The following CDH13 variants were observed in gnomAD, a reference collection of about 807,000 sequenced individuals.
CDH13 encodes cadherin 13.
A neutral mutation model predicts 63.8 loss-of-function variants in CDH13; 24 were observed. The ratio of observed to expected loss-of-function variants is 0.38; its 90% CI spans 0.27 to 0.53. The LOEUF is 0.53. CDH13 is among the 20% of genes least tolerant of loss of function. The pLI is 0.85. For synonymous variants in CDH13, 503 were observed against 355.3 expected (o/e 1.42, Z -4.67); for missense variants, 1,049 against 903.1 (o/e 1.16, Z -2.07).
chr16:83,180,199 A>C (rs998646897), intron 4 of CDH13, among the ~76,000 whole-genome samples: 11 of 152,096 alleles, frequency 7.2e-5, no homozygotes, highest in Admixed American at 4.6e-4. Context: ...CATTCTCTTC[A>C]TCACATAGCC....
intron 2 of CDH13, among the ~76,000 whole-genome samples, chr16:82,965,931 G>A (rs1199170610): frequency 6.6e-6 from 1 of 152,186 alleles, no homozygotes; most frequent in East Asian, 1.9e-4. Flanking sequence ...GCTGCCCAGT[G>A]GAGAAAAAGT....
intron 7 of CDH13, among the ~76,000 whole-genome samples, chr16:83,534,751 C>T (rs987782133): frequency 3.3e-5 from 5 of 152,226 alleles, no homozygotes; most frequent in Non-Finnish European, 5.9e-5. Context: ...GCTTCTACTT[C>T]CTCACTATTA....
chr16:83,324,040 C>CTTTTTT (rs200015057), intron 5 of CDH13, among the ~76,000 whole-genome samples: 3 of 141,352 alleles, frequency 2.1e-5, no homozygotes, highest in Non-Finnish European at 4.6e-5. Flanking sequence ...TCTTCTTCTT[C>CTTTTTT]TTTTTTTTTT....
At chr16:83,280,067 T>G (rs1408001011) in intron 5 of CDH13, among the ~76,000 whole-genome samples, 1 of 152,194 alleles carries the variant, frequency 6.6e-6, no homozygotes, top group Non-Finnish European at 1.5e-5. Flanking sequence ...TGAAGGATAG[T>G]ATGCAGGGTA....
chr16:83,697,616 G>A (rs942226178), intron 10 of CDH13, among the ~76,000 whole-genome samples: 1 of 152,186 alleles, frequency 6.6e-6, no homozygotes, highest in Non-Finnish European at 1.5e-5. Context: ...GTTGTGACCA[G>A]AGGCTTGAGG....
intron 4 of CDH13, among the ~76,000 whole-genome samples, chr16:83,175,818 CTGCTTT>C (rs745719802): frequency 2.2e-5 from 3 of 134,818 alleles, no homozygotes; most frequent in South Asian, 2.3e-4. Flanking sequence ...TTTTTTCAAC[CTGCTTT>C]TTTTTTTTTT....
At chr16:83,486,150 G>GAAAAAAAA (rs1344377832) in intron 6 of CDH13, among the ~76,000 whole-genome samples, 1 of 151,872 alleles carries the variant, frequency 6.6e-6, no homozygotes. Flanking sequence ...CTAAAAAAAT[G>GAAAAAAAA]AATGTCCCTG....
At chr16:82,640,327 G>A (rs1909241820) in intron 1 of CDH13, among the ~76,000 whole-genome samples, 2 of 152,146 alleles carry the variant, frequency 1.3e-5, no homozygotes, top group African/African-American at 4.8e-5. Flanking sequence ...CTGATAAAGT[G>A]TTGTTGGTCA....
intron 6 of CDH13, among the ~76,000 whole-genome samples, chr16:83,355,101 G>T (rs1316251962): frequency 1.3e-4 from 20 of 152,102 alleles, no homozygotes; most frequent in Non-Finnish European, 2.4e-4. Flanking sequence ...AAATAGATAT[G>T]ATTTTACTGC....
chr16:82,639,029 G>C (rs112239735), intron 1 of CDH13, among the ~76,000 whole-genome samples: 3 of 152,106 alleles, frequency 2.0e-5, no homozygotes, highest in Admixed American at 6.5e-5. Flanking sequence ...TTTGCTCAAG[G>C]CCACACAGTC....
intron 3 of CDH13, among the ~76,000 whole-genome samples, chr16:83,063,681 C>G (rs1456978256): frequency 6.6e-6 from 1 of 152,166 alleles, no homozygotes; most frequent in Non-Finnish European, 1.5e-5. Flanking sequence ...TTAGCACAAA[C>G]TTTGTGGCTT....
chr16:82,729,125 C>T (rs1352562095), intron 1 of CDH13, among the ~76,000 whole-genome samples: 1 of 152,064 alleles, frequency 6.6e-6, no homozygotes, highest in East Asian at 1.9e-4. Context: ...AGTCATAAAG[C>T]CCTGAAAGTC....
chr16:83,719,917 G>T (rs148960554), intron 10 of CDH13, among the ~76,000 whole-genome samples: 2 of 152,198 alleles, frequency 1.3e-5, no homozygotes, highest in African/African-American at 2.4e-5. Flanking sequence ...ATAGGGGACA[G>T]TGGGGTCAGA....
chr16:82,869,310 G>C (rs1014962753), intron 2 of CDH13, among the ~76,000 whole-genome samples: 1 of 151,944 alleles, frequency 6.6e-6, no homozygotes, highest in Non-Finnish European at 1.5e-5. Flanking sequence ...CCTCCCAAAG[G>C]ACTGGGTTAG....
At chr16:83,149,696 A>G (rs747651944) in intron 4 of CDH13, among the ~76,000 whole-genome samples, 20 of 152,198 alleles carry the variant, frequency 1.3e-4, no homozygotes, top group Non-Finnish European at 2.6e-4. Context: ...CAATTTCTCA[A>G]AAGCTCTTCA....
chr16:82,804,047 G>T (rs183213597), intron 1 of CDH13, among the ~76,000 whole-genome samples: 2 of 152,256 alleles, frequency 1.3e-5, no homozygotes, highest in African/African-American at 4.8e-5. Flanking sequence ...GACCAACATG[G>T]TAAAACCTTG....
chr16:82,779,925 A>T (rs1259834759), intron 1 of CDH13, among the ~76,000 whole-genome samples: 1 of 152,172 alleles, frequency 6.6e-6, no homozygotes, highest in Non-Finnish European at 1.5e-5. Context: ...AGTCAAATAC[A>T]TCTGCACATG....
At chr16:83,501,587 G>A (rs577840956) in intron 7 of CDH13, among the ~76,000 whole-genome samples, 12 of 152,142 alleles carry the variant, frequency 7.9e-5, no homozygotes, top group Non-Finnish European at 1.8e-4. Flanking sequence ...ATTACATTAG[G>A]TCCATAACAC....
At chr16:83,035,679 G>C (rs1351004613) in intron 3 of CDH13, among the ~76,000 whole-genome samples, 1 of 152,194 alleles carries the variant, frequency 6.6e-6, no homozygotes, top group East Asian at 1.9e-4. Flanking sequence ...ATTGTGCATA[G>C]TTGGGAGGGT....
Sources: gnomAD v4.1 joint callset for allele counts (sites outside exome capture counted in the v4.1 genomes callset) on GRCh38, gnomAD v4.1.1 for gene constraint, MANE v1.5 for transcripts, NCBI Gene and HGNC (gene_info 2026-07-23, HGNC 2026-07-21) for gene names.